SAMMSON: variants seen among roughly 807,000 people sequenced by gnomAD.
The protein encoded by SAMMSON is survival associated mitochondrial melanoma specific oncogenic non-coding RNA, also known as long intergenic non-protein coding RNA 1212.
chr3:70,175,280 A>G (rs1701001543), intron 4 of SAMMSON, among the ~76,000 whole-genome samples: 1 of 152,106 alleles, frequency 6.6e-6, no homozygotes, highest in African/African-American at 2.4e-5. Flanking sequence ...ATAGAGAAAG[A>G]GTACCTCTCC....
At chr3:70,045,920 C>T (rs558606780) in intron 3 of SAMMSON, among the ~76,000 whole-genome samples, 1 of 152,070 alleles carries the variant, frequency 6.6e-6, no homozygotes. Flanking sequence ...TTCACAAAAG[C>T]ACATGTCAGC....
At chr3:70,285,213 C>G (rs1418540432) in intron 6 of SAMMSON, among the ~76,000 whole-genome samples, 2 of 121,736 alleles carry the variant, frequency 1.6e-5, no homozygotes, top group African/African-American at 6.1e-5. Context: ...CCCCCTCCCC[C>G]CACCCCACAA....
chr3:70,014,157 C>G (rs2066971100), intron 3 of SAMMSON: 1 of 152,186 alleles, frequency 6.6e-6, no homozygotes, highest in Non-Finnish European at 1.5e-5. Context: ...CCCTTACTAT[C>G]TACTATTTCC....
At chr3:70,383,644 T>C (rs1400669087) in intron 9 of SAMMSON, among the ~76,000 whole-genome samples, 1 of 151,940 alleles carries the variant, frequency 6.6e-6, no homozygotes, top group Non-Finnish European at 1.5e-5. Context: ...CCAAAAACTG[T>C]TGTGTAATAT....
At chr3:70,003,861 A>G (rs1036992559) in intron 1 of SAMMSON, among the ~76,000 whole-genome samples, 3 of 151,922 alleles carry the variant, frequency 2.0e-5, no homozygotes, top group Non-Finnish European at 4.4e-5. Context: ...AAATGTCTTT[A>G]TTTTGGCTTC....
intron 4 of SAMMSON, among the ~76,000 whole-genome samples, chr3:70,099,587 T>C (rs1033186432): frequency 1.3e-5 from 2 of 152,232 alleles, no homozygotes; most frequent in African/African-American, 4.8e-5. Context: ...TTATATATTC[T>C]GGATATCAAT....
At chr3:70,110,474 A>AAAT (rs1487323345) in intron 4 of SAMMSON, among the ~76,000 whole-genome samples, 1 of 152,184 alleles carries the variant, frequency 6.6e-6, no homozygotes, top group Non-Finnish European at 1.5e-5. Flanking sequence ...ATCAGTGTAG[A>AAAT]AATAATGCAG....
At chr3:70,001,849 A>G (rs940377177) in intron 1 of SAMMSON, among the ~76,000 whole-genome samples, 1 of 152,200 alleles carries the variant, frequency 6.6e-6, no homozygotes, top group African/African-American at 2.4e-5. Flanking sequence ...TGATGGAGCA[A>G]TACCTGATGC....
intron 1 of SAMMSON, among the ~76,000 whole-genome samples, chr3:70,001,552 C>G (rs2066905909): frequency 1.3e-5 from 2 of 151,362 alleles, no homozygotes; most frequent in Non-Finnish European, 2.9e-5. Flanking sequence ...TATGTGTACG[C>G]TTTTTGGTTT....
intron 3 of SAMMSON, among the ~76,000 whole-genome samples, chr3:70,045,547 A>G (rs1005581619): frequency 6.6e-6 from 1 of 151,054 alleles, no homozygotes; most frequent in Admixed American, 6.6e-5. Flanking sequence ...CTTTGAGGGG[A>G]GGGAAAGTTG....
intron 2 of SAMMSON, among the ~76,000 whole-genome samples, chr3:70,420,234 TC>T (rs1198019214): frequency 6.6e-6 from 1 of 152,150 alleles, no homozygotes; most frequent in Non-Finnish European, 1.5e-5. Context: ...ATTTCATGGC[TC>T]TTTCCACTGA....
At chr3:70,053,207 A>G (rs768873365) in intron 3 of SAMMSON, among the ~76,000 whole-genome samples, 1 of 152,100 alleles carries the variant, frequency 6.6e-6, no homozygotes, top group Non-Finnish European at 1.5e-5. Flanking sequence ...TGAAGTCTAG[A>G]TCAAAGTCAT....
intron 9 of SAMMSON, among the ~76,000 whole-genome samples, chr3:70,373,268 C>T (rs1022708237): frequency 1.3e-5 from 2 of 152,102 alleles, no homozygotes; most frequent in African/African-American, 4.8e-5. Flanking sequence ...ATTCTGGACC[C>T]AGAGTTCTCT....
intron 4 of SAMMSON, among the ~76,000 whole-genome samples, chr3:70,094,050 A>T (rs911154130): frequency 7.2e-5 from 11 of 152,214 alleles, no homozygotes; most frequent in African/African-American, 2.7e-4. Flanking sequence ...TGACTTTGGA[A>T]AACGGGAACC....
At chr3:70,038,479 A>G (rs188859142) in intron 3 of SAMMSON, among the ~76,000 whole-genome samples, 1 of 152,252 alleles carries the variant, frequency 6.6e-6, no homozygotes, top group African/African-American at 2.4e-5. Flanking sequence ...CATGAGCCAC[A>G]TAAACATCTT....
Position 70,245,712 on chromosome 3 carries a change from T to C in SAMMSON, n.508-3395T>C, listed in dbSNP as rs1436855833. Among the ~76,000 whole-genome samples, 5 of 128,382 alleles carry C rather than the reference T, an allele frequency of 3.9e-5. No individual in the cohort carries two copies. In the East Asian group the frequency reaches 1.2e-3, roughly 30 times the overall value. The allele number at this position is 128,382 out of a possible 152,430, so 84.2% of individuals were successfully genotyped here. A position where few individuals can be genotyped will look rare whatever the true frequency, so the allele number is the denominator to read the frequency against. On this transcript the variant is annotated intron_variant and non_coding_transcript_variant, in intron 4 of 9. Coordinates refer to ENST00000642114, the Ensembl canonical transcript of SAMMSON. Reference sequence around the variant, plus strand: ...ATATATATATATATATATATATATATATACACATTCAAATGCAAAATAAAG... The same window carrying C: ...ATATATATATATATATATATATATACATACACATTCAAATGCAAAATAAAG...
intron 2 of SAMMSON, among the ~76,000 whole-genome samples, chr3:70,425,551 A>G (rs1701357307): frequency 1.3e-5 from 2 of 151,072 alleles, no homozygotes; most frequent in Non-Finnish European, 2.9e-5. Flanking sequence ...AGCTGGGACT[A>G]CAGGTGCCCG....
intron 4 of SAMMSON, among the ~76,000 whole-genome samples, chr3:70,228,460 A>G (rs951022537): frequency 3.9e-5 from 6 of 152,052 alleles, no homozygotes; most frequent in Non-Finnish European, 7.4e-5. Flanking sequence ...AGAGATTCAG[A>G]AATAGACTCT....
chr3:70,129,798 C>G (rs1210939376), intron 4 of SAMMSON, among the ~76,000 whole-genome samples: 1 of 152,162 alleles, frequency 6.6e-6, no homozygotes, highest in Non-Finnish European at 1.5e-5. Context: ...GACACTGTTC[C>G]ATCAAGAGAT....
Sources: allele counts gnomAD v4.1 joint callset (sites outside exome capture counted in the v4.1 genomes callset), GRCh38; gene constraint gnomAD v4.1.1; transcripts MANE v1.5; gene names NCBI Gene and HGNC (gene_info 2026-07-23, HGNC 2026-07-21).